MSRA: variants seen among roughly 807,000 people sequenced by gnomAD.
MSRA encodes the protein mitochondrial peptide methionine sulfoxide reductase.
In MSRA, 54 loss-of-function variants were observed where a neutral mutation model predicts 31.3. The observed-to-expected ratio is 1.73, with a 90% confidence interval of 1.39 to 2.17. MSRA has a LOEUF of 2.17. MSRA is among the 30% of genes most tolerant of loss of function. MSRA has a pLI of 0.00. For missense variants in MSRA, 507 were observed against 300.9 expected, an observed-to-expected ratio of 1.69 and a Z score of -5.07; for synonymous variants, 169 against 116.5, an observed-to-expected ratio of 1.45 and a Z score of -2.90.
chr8:10,346,799 C>T (rs1280852704), intron 5 of MSRA, among the ~76,000 whole-genome samples: 1 of 152,216 alleles, frequency 6.6e-6, no homozygotes, highest in Non-Finnish European at 1.5e-5. Flanking sequence ...TTAATCAAGT[C>T]CTTGCCATTT....
intron 1 of MSRA, among the ~76,000 whole-genome samples, chr8:10,176,067 G>T (rs1424464956): frequency 6.6e-6 from 1 of 152,202 alleles, no homozygotes; most frequent in African/African-American, 2.4e-5. Flanking sequence ...CTCTGTTGCT[G>T]ATAGCCCAGA....
chr8:10,101,439 ATTG>A (rs1799522281), intron 1 of MSRA, among the ~76,000 whole-genome samples: 1 of 152,182 alleles, frequency 6.6e-6, no homozygotes, highest in Non-Finnish European at 1.5e-5. Context: ...GTACATTCAC[ATTG>A]TTATGCTGCC....
chr8:10,404,862 C>T (rs943769898), intron 5 of MSRA, among the ~76,000 whole-genome samples: 4 of 152,296 alleles, frequency 2.6e-5, no homozygotes, highest in South Asian at 2.1e-4. Flanking sequence ...AGCACGGCAT[C>T]CTCCCCAGTC....
intron 5 of MSRA, among the ~76,000 whole-genome samples, chr8:10,404,333 C>T (rs1485767117): frequency 1.3e-5 from 2 of 152,204 alleles, no homozygotes; most frequent in Non-Finnish European, 2.9e-5. Flanking sequence ...AGATGCCTTT[C>T]TCCCCAGCCC....
intron 2 of MSRA, among the ~76,000 whole-genome samples, chr8:10,218,109 C>T (rs990629793): frequency 2.8e-5 from 4 of 144,676 alleles, no homozygotes; most frequent in Admixed American, 7.2e-5. Flanking sequence ...CACCCGGTTC[C>T]TTTTCTATTT....
intron 4 of MSRA, 25 bp from the exon 5 acceptor site, chr8:10,319,858 C>T: frequency 6.9e-7 from 1 of 1,441,860 alleles, no homozygotes; most frequent in Non-Finnish European, 9.3e-7. Context: ...GACCGGGTAA[C>T]CCTCCCTGTT....
In MSRA at chr8:10,359,645, G is replaced by A. The variant is rs948652780; in HGVS notation, c.543+39656G>A. Among the ~76,000 whole-genome samples the A allele has an allele frequency of 4.6e-5, 7 of 152,150 alleles. No homozygotes were observed. In the South Asian group the frequency reaches 6.2e-4, roughly 14 times the overall value. On this transcript the variant is annotated intron_variant, in intron 5 of 5. Transcript: ENST00000317173. Reference sequence around the variant, plus strand: ...CCAGAGTATTTACTGCCACAGAGAGGCTCCTTCTTTTCACTCCTTCCACTG... The same window carrying A: ...CCAGAGTATTTACTGCCACAGAGAGACTCCTTCTTTTCACTCCTTCCACTG...
chr8:10,227,549 A>G (rs192529756), intron 2 of MSRA, among the ~76,000 whole-genome samples: 1 of 152,304 alleles, frequency 6.6e-6, no homozygotes, highest in East Asian at 1.9e-4. Context: ...GTAAATACAT[A>G]CCTGGTACTC....
intron 1 of MSRA, among the ~76,000 whole-genome samples, chr8:10,067,933 G>T (rs1003336001): frequency 5.0e-5 from 7 of 140,736 alleles, no homozygotes; most frequent in Non-Finnish European, 1.1e-4. Context: ...GCCCAGGCTG[G>T]AGTGCAGTGG....
chr8:10,158,526 G>T (rs1804367562), intron 1 of MSRA, among the ~76,000 whole-genome samples: 1 of 152,246 alleles, frequency 6.6e-6, no homozygotes, highest in African/African-American at 2.4e-5. Flanking sequence ...ATTCATCTGT[G>T]TTGTAGCATG....
At position 10,428,135 on chromosome 8, in the gene MSRA, TG is replaced by T. The variant is rs921961816; in HGVS notation, c.544-12del. ...AGCATGGGAGCTGATGGCGCCTTTC[TG>T]TGTCCCCACAGGTTCTTTCAGAGCA... is the stretch of plus-strand genomic sequence containing the variant. On this transcript the variant is annotated splice_polypyrimidine_tract_variant and intron_variant, in intron 5 of 5. Transcript: ENST00000317173. The T allele has an allele frequency of 3.7e-6, 6 of 1,606,442 alleles. No homozygotes were observed. The African/African-American group carries it at 6.7e-5, about 18-fold the overall frequency.
chr8:10,157,519 T>C (rs921787453), intron 1 of MSRA, among the ~76,000 whole-genome samples: 2 of 152,066 alleles, frequency 1.3e-5, no homozygotes, highest in African/African-American at 4.8e-5. Context: ...GGGCTTGGGA[T>C]AGTGGGAGGT....
At chr8:10,086,883 A>AGAGAGG (rs3061509) in intron 1 of MSRA, among the ~76,000 whole-genome samples, 21 of 150,140 alleles carry the variant, frequency 1.4e-4, no homozygotes, top group Admixed American at 3.3e-4. Context: ...AGAGGGAGAG[A>AGAGAGG]GAGAGGGAGA....
At chr8:10,112,692 G>A (rs1279852658) in intron 1 of MSRA, among the ~76,000 whole-genome samples, 1 of 152,190 alleles carries the variant, frequency 6.6e-6, no homozygotes, top group Non-Finnish European at 1.5e-5. Flanking sequence ...CTCTAATGTA[G>A]TGATATAAAT....
At chr8:10,305,344 C>T (rs1395656091) in intron 4 of MSRA, among the ~76,000 whole-genome samples, 5 of 151,420 alleles carry the variant, frequency 3.3e-5, no homozygotes, top group African/African-American at 1.2e-4. Flanking sequence ...CTTCAAGGTG[C>T]TGAAGCAGCT....
chr8:10,275,326 A>C (rs1799266408), intron 3 of MSRA, among the ~76,000 whole-genome samples: 5 of 152,182 alleles, frequency 3.3e-5, no homozygotes, highest in Admixed American at 2.0e-4. Context: ...GAAGAGCTTA[A>C]ATGATTATCT....
At chr8:10,305,374 T>C (rs1417909252) in intron 4 of MSRA, among the ~76,000 whole-genome samples, 1 of 151,378 alleles carries the variant, frequency 6.6e-6, no homozygotes, top group African/African-American at 2.4e-5. Flanking sequence ...TCTGCCCTAA[T>C]GGACATCTAG....
At chr8:10,285,026 T>TA (rs5889328) in intron 3 of MSRA, among the ~76,000 whole-genome samples, 107,506 of 144,778 alleles carry the variant, frequency 0.74, 39,731 homozygotes, top group Admixed American at 0.81. Flanking sequence ...TTTTTTTCTT[T>TA]AAAAAAAAAA....
rs187495338 is a variant in MSRA at position 10,271,397 on chromosome 8, T to C, written c.331+26174T>C. Among the ~76,000 whole-genome samples, 45 of 149,652 alleles carry C rather than the reference T, an allele frequency of 3.0e-4. 1 individual carries two copies. The East Asian group carries it at 9.0e-3, about 30-fold the overall frequency. On this transcript the variant is annotated intron_variant, in intron 3 of 5. Transcript: ENST00000317173. Reference sequence around the variant, plus strand: ...AGAGGGCCTTCTCAATTATGTAACATTTAGAGTACATGACCAAATACGATG... The same window carrying C: ...AGAGGGCCTTCTCAATTATGTAACACTTAGAGTACATGACCAAATACGATG...
Sources: gnomAD v4.1 joint callset for allele counts (sites outside exome capture counted in the v4.1 genomes callset) on GRCh38, gnomAD v4.1.1 for gene constraint, MANE v1.5 for transcripts, NCBI Gene and HGNC (gene_info 2026-07-23, HGNC 2026-07-21) for gene names.